The following GNPTAB variants were observed in gnomAD, a reference collection of about 807,000 sequenced individuals.
The protein encoded by GNPTAB is N-acetylglucosamine-1-phosphotransferase subunits alpha/beta.
Under a neutral mutation model 136.6 loss-of-function variants are expected in GNPTAB, and 92 were observed. The observed-to-expected ratio is 0.67, with a 90% CI of 0.57 to 0.80. The LOEUF (loss-of-function observed/expected upper bound fraction) is 0.80. GNPTAB is among the 30% of genes least tolerant of loss of function. GNPTAB has a pLI of 0.00. For missense variants in GNPTAB, 1,343 were observed against 1,501.8 expected (o/e 0.89, Z 1.75); for synonymous variants, 512 against 535.1 (o/e 0.96, Z 0.60).
At chr12:101,818,689 A>G (rs1870640638) in intron 1 of GNPTAB, among the ~76,000 whole-genome samples, 1 of 152,024 alleles carries the variant, frequency 6.6e-6, no homozygotes, top group South Asian at 2.1e-4. Context: ...TTGTGTCTTT[A>G]GTCAACAGTA....
At chr12:101,824,437 CTTTT>C (rs757768467) in intron 1 of GNPTAB, among the ~76,000 whole-genome samples, 3 of 47,018 alleles carry the variant, frequency 6.4e-5, no homozygotes, top group East Asian at 1.4e-3. Flanking sequence ...TATATATTTT[CTTTT>C]TTTTTTTTTT....
At chr12:101,800,697 G>A (rs1418186649) in intron 1 of GNPTAB, among the ~76,000 whole-genome samples, 1 of 151,238 alleles carries the variant, frequency 6.6e-6, no homozygotes, top group African/African-American at 2.4e-5. Context: ...AGAATCGCTT[G>A]AACCTGGGAG....
At chr12:101,771,329 C>T (rs981719418) in intron 7 of GNPTAB, among the ~76,000 whole-genome samples, 172 bp from the exon 8 acceptor site, 1 of 151,876 alleles carries the variant, frequency 6.6e-6, no homozygotes, top group East Asian at 1.9e-4. Flanking sequence ...CCTCAACCTC[C>T]GCCTCCCGGG....
At chr12:101,800,290 G>C (rs1476147647) in intron 1 of GNPTAB, among the ~76,000 whole-genome samples, 1 of 151,932 alleles carries the variant, frequency 6.6e-6, no homozygotes, top group Non-Finnish European at 1.5e-5. Context: ...CTCAAGACCA[G>C]CCTGAGCAAC....
intron 5 of GNPTAB, among the ~76,000 whole-genome samples, chr12:101,785,039 C>A (rs753061908): frequency 3.3e-5 from 5 of 152,144 alleles, no homozygotes; most frequent in Non-Finnish European, 7.3e-5. Flanking sequence ...CCATTATCTG[C>A]CCAAATCATC....
chr12:101,749,893 C>T (rs1418424829), intron 19 of GNPTAB, among the ~76,000 whole-genome samples: 5 of 152,144 alleles, frequency 3.3e-5, no homozygotes, highest in African/African-American at 9.7e-5. Context: ...AAAACCACAC[C>T]GTGGGGTCTG....
intron 1 of GNPTAB, among the ~76,000 whole-genome samples, chr12:101,819,643 C>T (rs1402110343): frequency 6.6e-6 from 1 of 152,126 alleles, no homozygotes; most frequent in African/African-American, 2.4e-5. Context: ...ATGAGTGTGA[C>T]CTGACCTGGT....
rs568493308 is a variant in GNPTAB, at chr12:101,746,304, T to G, written c.*860A>C. The stretch of plus-strand genomic sequence containing the variant: ...TCTATCAAAAACCAACTGAGAGAGA[T>G]AGCTACTGGAATATACCAATGAGTA... On this transcript the variant is annotated 3_prime_UTR_variant, in exon 21 of 21. Coordinates refer to ENST00000299314, the MANE Select transcript of GNPTAB (RefSeq NM_024312.5). The G allele has an allele frequency of 6.6e-6, 1 of 152,190 alleles. No individual in the cohort carries two copies. The highest frequency in any genetic ancestry group is 1.5e-5 in the Non-Finnish European group (1 of 68,042). The allele number at this position is 152,190 out of a possible 1,614,324, so 9.4% of individuals were successfully genotyped here.
rs756715821 is a variant in GNPTAB, at chr12:101,771,157, AC to A, written c.772-1del. On this transcript the variant is annotated splice_acceptor_variant, in intron 7 of 20. Transcript: ENST00000299314. LOFTEE classifies it high-confidence loss of function. ...ACACTGGCCTCTGAATACAACTGCAACTATCAAATAACAAGAGGATTACACA... is the reference window on the plus strand; with the variant it reads ...ACACTGGCCTCTGAATACAACTGCAATATCAAATAACAAGAGGATTACACA... 3 of 1,612,682 alleles carry A rather than the reference AC, an allele frequency of 1.9e-6. No individual in the cohort carries two copies. The highest frequency in any genetic ancestry group is 2.5e-6 in the Non-Finnish European group (3 of 1,178,722).
intron 1 of GNPTAB, among the ~76,000 whole-genome samples, chr12:101,827,100 A>G (rs1871126748): frequency 6.6e-6 from 1 of 151,828 alleles, no homozygotes; most frequent in Non-Finnish European, 1.5e-5. Context: ...GACTACAGGC[A>G]TGTGCCACCA....
intron 5 of GNPTAB, among the ~76,000 whole-genome samples, chr12:101,784,637 G>C (rs1178949196): frequency 6.6e-6 from 1 of 151,754 alleles, no homozygotes; most frequent in African/African-American, 2.4e-5. Context: ...AATTCAGTCT[G>C]GTGTGGAGGA....
chr12:101,773,933 A>G (rs1183174455), intron 7 of GNPTAB, among the ~76,000 whole-genome samples: 1 of 152,258 alleles, frequency 6.6e-6, no homozygotes. Flanking sequence ...TACATAAATT[A>G]TAAGTTTCTG....
rs1217205948 is a variant in GNPTAB, at chr12:101,780,162, T to C, written c.761A>G (p.Lys254Arg). 7 of 1,613,412 alleles carry C rather than the reference T, an allele frequency of 4.3e-6. No individual in the cohort carries two copies. The highest frequency in any genetic ancestry group is 4.2e-6 in the Non-Finnish European group (5 of 1,179,342). ...TTTCTATGTTCTTACCAGTTTGACT[T>C]TAGAGGAAAGATTTTCTGGCAATTT... ...KTKLPENLSS[K>R]VKLLQLYSEA... The change falls in exon 7 of 21, where the codon AAA (lysine) becomes AGA (arginine). Residue 254 changes from lysine (K) to arginine (R), a missense_variant. Transcript: ENST00000299314.
intron 1 of GNPTAB, among the ~76,000 whole-genome samples, chr12:101,825,363 A>C (rs999501681): frequency 6.6e-6 from 1 of 152,242 alleles, no homozygotes; most frequent in South Asian, 2.1e-4. Context: ...AAAATGTTCA[A>C]GTTATATCAG....
intron 1 of GNPTAB, chr12:101,810,659 C>T (rs1369799444): frequency 6.6e-6 from 1 of 151,086 alleles, no homozygotes; most frequent in Non-Finnish European, 1.5e-5. Context: ...CCCACAGAGC[C>T]TACATTTTAA....
intron 1 of GNPTAB, among the ~76,000 whole-genome samples, chr12:101,799,703 G>A (rs981535604): frequency 2.0e-5 from 3 of 147,176 alleles, no homozygotes; most frequent in African/African-American, 7.7e-5. Flanking sequence ...CATTGTCTCT[G>A]AAGTCAGGAA....
At chr12:101,801,562 A>AAAAC (rs1869635451) in intron 1 of GNPTAB, among the ~76,000 whole-genome samples, 5 of 146,776 alleles carry the variant, frequency 3.4e-5, no homozygotes, top group African/African-American at 1.0e-4. Flanking sequence ...AAAAAAAAAA[A>AAAAC]AAAAACTGGA....
Position 101,747,247 on chromosome 12 carries a change from T to C in GNPTAB, c.3694-6A>G. 1 of 1,519,232 alleles carries C rather than the reference T, an allele frequency of 6.6e-7. No individual in the cohort carries two copies. The highest frequency in any genetic ancestry group is 1.1e-5 in the South Asian group (1 of 89,192). The allele number at this position is 1,519,232 out of a possible 1,614,324, so 94.1% of individuals were successfully genotyped here. ...TTCCGCTTAAGTGCAATTAACTAAA[T>C]GATGAAAGACAGAAAATACATTTTA... On this transcript the variant is annotated splice_polypyrimidine_tract_variant and splice_region_variant and intron_variant, in intron 20 of 20. Coordinates refer to ENST00000299314, the MANE Select transcript of GNPTAB (RefSeq NM_024312.5).
intron 2 of GNPTAB, chr12:101,796,113 T>A (rs10860788): frequency 3.1e-6 from 2 of 647,016 alleles, no homozygotes; most frequent in Non-Finnish European, 5.6e-6. Flanking sequence ...ACCAATGGAG[T>A]GGGGTTCAGC....
Sources: allele counts gnomAD v4.1 joint callset (sites outside exome capture counted in the v4.1 genomes callset), GRCh38; gene constraint gnomAD v4.1.1; transcripts MANE v1.5; gene names NCBI Gene and HGNC (gene_info 2026-07-23, HGNC 2026-07-21).